The following ZNF140 variants were observed in gnomAD, a reference collection of about 807,000 sequenced individuals.
ZNF140 encodes the protein zinc finger protein 140, also known as zinc finger protein 140 (clone pHZ-39).
ZNF140 carries 13 observed loss-of-function variants against 12.9 expected under a neutral mutation model. The ratio of observed to expected loss-of-function variants is 1.01; its 90% confidence interval spans 0.66 to 1.60. The LOEUF (loss-of-function observed/expected upper bound fraction) is 1.60. Ranked by LOEUF, ZNF140 falls within the 40% of genes most tolerant of loss-of-function variation. The pLI is 0.00. For missense variants in ZNF140, 531 were observed against 548.8 expected, an observed-to-expected ratio of 0.97 and a Z score of 0.32; for synonymous variants, 214 against 186.7, an observed-to-expected ratio of 1.15 and a Z score of -1.19.
chr12:133,089,618 T>C (rs1954789578), intron 4 of ZNF140, among the ~76,000 whole-genome samples: 1 of 152,240 alleles, frequency 6.6e-6, no homozygotes. Flanking sequence ...ATTTTAGCTA[T>C]GTTATCAAAT....
chr12:133,106,209 G>T lies in ZNF140; in HGVS notation c.932G>T (p.Arg311Leu), dbSNP rs151227084. The T allele has an allele frequency of 1.1e-4, 174 of 1,614,028 alleles. No homozygotes were observed. The highest frequency in any genetic ancestry group is 1.4e-4 in the Non-Finnish European group (161 of 1,180,028). Residue 311 changes from arginine to leucine, a missense_variant, in exon 5 of 5, where the codon CGC (arginine) becomes CTC (leucine). Arg to Leu is a moderately radical substitution (Grantham distance 102). Transcript: ENST00000355557. ...YECIECGKAFRRFSHLTRHQS... is the reference protein window; with the variant it reads ...YECIECGKAFLRFSHLTRHQS... ...TGCATTGAATGTGGGAAGGCATTTC[G>T]CCGTTTCTCACACCTTACTCGACAT... is the stretch of plus-strand genomic sequence containing the variant.
chr12:133,090,986 A>G (rs1216301782), intron 4 of ZNF140, among the ~76,000 whole-genome samples: 1 of 148,480 alleles, frequency 6.7e-6, no homozygotes, highest in Non-Finnish European at 1.5e-5. Flanking sequence ...GAATTGAACA[A>G]ATGTACAATC....
At chr12:133,090,981 G>T (rs1954852192) in intron 4 of ZNF140, among the ~76,000 whole-genome samples, 1 of 148,136 alleles carries the variant, frequency 6.8e-6, no homozygotes, top group African/African-American at 2.5e-5. Context: ...TCTCAGAATT[G>T]AACAAATGTA....
At chr12:133,084,073 G>C in intron 4 of ZNF140, 1 of 376,486 alleles carries the variant, frequency 2.7e-6, no homozygotes, top group South Asian at 2.0e-5. Context: ...AGCTGACATA[G>C]TCGACCAGTT....
In ZNF140 at chr12:133,081,273, G is replaced by A; in HGVS notation, c.-48G>A. The A allele has an allele frequency of 6.5e-7, 1 of 1,532,158 alleles. No individual in the cohort carries two copies. Among genetic ancestry groups the A allele is most frequent in the African/African-American group, 1.4e-5 (1 of 71,952 alleles). 94.9% of individuals were successfully genotyped at this position (1,532,158 alleles called of 1,614,324 possible). ...CAGGGCTCCTTTCTCTCTCTGCCAG[G>A]TCTGCCATTTTACACTTTTCTGATC... On this transcript the variant is annotated splice_region_variant and 5_prime_UTR_variant, in exon 2 of 5. Coordinates refer to ENST00000355557, the MANE Select transcript of ZNF140 (RefSeq NM_003440.4).
rs968358461 is a variant in ZNF140 at position 133,096,090 on chromosome 12, G to A, written c.233-9420G>A. Among the ~76,000 whole-genome samples the A allele has an allele frequency of 4.0e-4, 60 of 151,598 alleles. 1 individual carries two copies. Among genetic ancestry groups the A allele is most frequent in the African/African-American group, 1.3e-3 (53 of 41,438 alleles). On this transcript the variant is annotated intron_variant, in intron 4 of 4. Transcript: ENST00000355557. ...GATGGTCAGGTCTTTCTCATCCCAC[G>A]AGGCCATATTTCAGACTATCACATG...
Position 133,083,175 on chromosome 12 carries a change from A to C in ZNF140, c.82A>C (p.Arg28=). 1 of 1,614,200 alleles carries C rather than the reference A, an allele frequency of 6.2e-7. No homozygotes were observed. Among genetic ancestry groups the C allele is most frequent in the Non-Finnish European group, 8.5e-7 (1 of 1,180,022 alleles). ...GTGGAAATGGCTTCAGCCTGCTCAA[A>C]GAGATTTGTACAGATGTGTAATGTT... ...EEWKWLQPAQ[R]DLYRCVMLEN... is the part of the protein sequence containing the mutation. The change falls in exon 3 of 5, where the codon AGA becomes CGA. Residue 28 remains arginine, a synonymous_variant. Coordinates refer to ENST00000355557, the MANE Select transcript of ZNF140 (RefSeq NM_003440.4).
Position 133,083,238 on chromosome 12 carries a change from T to G in ZNF140, c.136+9T>G, listed in dbSNP as rs1358345574. On this transcript the variant is annotated intron_variant, in intron 3 of 4. Transcript: ENST00000355557. ...CCATCTGGTCTCACTGGGTAAGTATTCTTCTTCATCTCCCTCAAGGCAAAA... is the reference window on the plus strand; with the variant it reads ...CCATCTGGTCTCACTGGGTAAGTATGCTTCTTCATCTCCCTCAAGGCAAAA... 1 of 1,597,340 alleles carries G rather than the reference T, an allele frequency of 6.3e-7. No homozygotes were observed. The highest frequency in any genetic ancestry group is 1.4e-5 in the African/African-American group (1 of 69,612).
intron 4 of ZNF140, among the ~76,000 whole-genome samples, chr12:133,101,383 A>G (rs1955340380): frequency 1.4e-5 from 2 of 141,430 alleles, no homozygotes; most frequent in African/African-American, 5.3e-5. Context: ...TCAGTTTTGG[A>G]CGTTTCTATT....
At chr12:133,095,691 A>T (rs1955059832) in intron 4 of ZNF140, among the ~76,000 whole-genome samples, 1 of 151,848 alleles carries the variant, frequency 6.6e-6, no homozygotes, top group South Asian at 2.1e-4. Flanking sequence ...ATGTAGTAGG[A>T]GAGCAGGGTG....
intron 4 of ZNF140, among the ~76,000 whole-genome samples, chr12:133,104,583 C>T (rs1226808486): frequency 1.3e-5 from 2 of 152,202 alleles, no homozygotes; most frequent in East Asian, 1.9e-4. Context: ...GATCTCCTGA[C>T]CTCATGATCT....
chr12:133,102,010 G>T (rs1955367080), intron 4 of ZNF140, among the ~76,000 whole-genome samples: 1 of 152,040 alleles, frequency 6.6e-6, no homozygotes, highest in Non-Finnish European at 1.5e-5. Flanking sequence ...TTGAAGGGTG[G>T]ACATGATGTA....
intron 4 of ZNF140, among the ~76,000 whole-genome samples, chr12:133,096,870 T>C (rs952161928): frequency 1.3e-5 from 2 of 152,212 alleles, no homozygotes; most frequent in African/African-American, 4.8e-5. Flanking sequence ...TGATATCAGT[T>C]GATTGATGGT....
rs963685022 is a variant in ZNF140 at position 133,095,504 on chromosome 12, G to T, written c.233-10006G>T. On this transcript the variant is annotated intron_variant, in intron 4 of 4. Transcript: ENST00000355557. ...GTGGCCTGCCCCTCCACACCTGTGG[G>T]TATTTCTAGTCGGGTGGGATGAGAG... Among the ~76,000 whole-genome samples the T allele has an allele frequency of 4.0e-5, 6 of 151,076 alleles. 1 individual carries two copies. Among genetic ancestry groups the T allele is most frequent in the African/African-American group, 1.5e-4 (6 of 40,760 alleles).
chr12:133,083,814 G>T (rs1319950094), intron 4 of ZNF140, among the ~76,000 whole-genome samples: 2 of 152,010 alleles, frequency 1.3e-5, no homozygotes, highest in Non-Finnish European at 2.9e-5. Context: ...AAAAAAATTT[G>T]CCGGGCTTGG....
intron 4 of ZNF140, among the ~76,000 whole-genome samples, chr12:133,103,586 A>G (rs1026085167): frequency 3.3e-5 from 5 of 149,738 alleles, no homozygotes; most frequent in Admixed American, 1.3e-4. Context: ...ACAGCTTTCT[A>G]TTTTTTTTTA....
In ZNF140 at chr12:133,083,499, T is replaced by C; in HGVS notation, c.170T>C (p.Leu57Ser). The C allele has an allele frequency of 6.2e-7, 1 of 1,613,972 alleles. No homozygotes were observed. The highest frequency in any genetic ancestry group is 2.2e-5 in the East Asian group (1 of 44,878). ...ATTTCTAAGCCAGATGTGGTTTCCTTATTGGAGCAAGGGAAAGAACCCTGG... is the reference window on the plus strand; with the variant it reads ...ATTTCTAAGCCAGATGTGGTTTCCTCATTGGAGCAAGGGAAAGAACCCTGG... ...LSISKPDVVSLLEQGKEPWLG... is the reference protein window; with the variant it reads ...LSISKPDVVSSLEQGKEPWLG... The change falls in exon 4 of 5, where the codon TTA (leucine) becomes TCA (serine). Residue 57 changes from leucine to serine, a missense_variant. Physicochemically the swap from Leu to Ser is moderately radical, Grantham distance 145. Transcript: ENST00000355557.
At position 133,083,167 on chromosome 12, in the gene ZNF140, C is replaced by T; in HGVS notation, c.74C>T (p.Pro25Leu). Residue 25 changes from proline to leucine, a missense_variant, in exon 3 of 5, where the codon CCT (proline) becomes CTT (leucine). By Grantham distance (98) the Pro-to-Leu change is moderately conservative. Coordinates refer to ENST00000355557, the MANE Select transcript of ZNF140 (RefSeq NM_003440.4). ...CAGGAGGAGTGGAAATGGCTTCAGC[C>T]TGCTCAAAGAGATTTGTACAGATGT... ...FSQEEWKWLQ[P>L]AQRDLYRCVM... 1.2e-6 allele frequency: 2 copies of T among 1,614,178 alleles called. No homozygotes were observed. The highest frequency in any genetic ancestry group is 2.2e-5 in the South Asian group (2 of 91,088).
In ZNF140 at chr12:133,105,803, C is replaced by T. The variant is rs1955570425; in HGVS notation, c.526C>T (p.Leu176=). ...AAAAACTTTTGGTCGACGCTTTTCC[C>T]TGGTGTTACACCAGAGGACTCATAC... ...CGKTFGRRFS[L]VLHQRTHTGE... is the part of the protein sequence containing the mutation. The change falls in exon 5 of 5, where the codon CTG becomes TTG. Residue 176 remains leucine, a synonymous_variant. Coordinates refer to ENST00000355557, the MANE Select transcript of ZNF140 (RefSeq NM_003440.4). The T allele has an allele frequency of 6.2e-7, 1 of 1,614,066 alleles. No homozygotes were observed. The highest frequency in any genetic ancestry group is 2.2e-5 in the East Asian group (1 of 44,894).
Sources: gnomAD v4.1 joint callset for allele counts (sites outside exome capture counted in the v4.1 genomes callset) on GRCh38, gnomAD v4.1.1 for gene constraint, MANE v1.5 for transcripts, NCBI Gene and HGNC (gene_info 2026-07-23, HGNC 2026-07-21) for gene names.